RB1CC1: variants seen among roughly 807,000 people sequenced by gnomAD.
The protein encoded by RB1CC1 is RB1-inducible coiled-coil protein 1.
Under a neutral mutation model 177.5 loss-of-function variants are expected in RB1CC1, and 46 were observed. The ratio of observed to expected loss-of-function variants is 0.26; its 90% confidence interval spans 0.20 to 0.33. The LOEUF (loss-of-function observed/expected upper bound fraction) is 0.33, where lower values mean the gene tolerates loss of function less well. RB1CC1 is among the 10% of genes least tolerant of loss of function. RB1CC1 has a pLI of 1.00. For missense variants in RB1CC1, 1,703 were observed against 1,816.3 expected (o/e 0.94, Z 1.13); for synonymous variants, 666 against 613.6 (o/e 1.09, Z -1.26).
chr8:52,658,211 TAAC>T, intron 13 of RB1CC1, 87 bp from the exon 14 acceptor site: 1 of 1,328,464 alleles, frequency 7.5e-7, no homozygotes, highest in East Asian at 2.4e-5. Context: ...ATGTCAAAAA[TAAC>T]AAGAGCCTTA....
At position 52,699,858 on chromosome 8, in the gene RB1CC1, T is replaced by TATATATATATATACATAC. The variant is rs756226534; in HGVS notation, c.-166-12892_-166-12891insGTATGTATATATATATAT. On this transcript the variant is annotated intron_variant, in intron 1 of 23. Transcript: ENST00000025008. ...ATATATATATATATATATATATATA[T>TATATATATATATACATAC]ACACACAAAAACAAAAGAAAGCTTA... Among the ~76,000 whole-genome samples the TATATATATATATACATAC allele has an allele frequency of 3.9e-5, 4 of 102,794 alleles. No homozygotes were observed. In the East Asian group the frequency reaches 1.2e-3, roughly 30 times the overall value. The allele number at this position is 102,794 out of a possible 152,430, so 67.4% of individuals were successfully genotyped here.
chr8:52,689,088 A>G (rs142369736), intron 1 of RB1CC1, among the ~76,000 whole-genome samples: 14 of 152,122 alleles, frequency 9.2e-5, no homozygotes, highest in African/African-American at 3.1e-4. Flanking sequence ...AATCTCTCCT[A>G]AACTATCTAT....
At chr8:52,641,368 G>C (rs1238774291) in intron 18 of RB1CC1, among the ~76,000 whole-genome samples, 2 of 116,094 alleles carry the variant, frequency 1.7e-5, no homozygotes, top group South Asian at 5.6e-4. Flanking sequence ...TGGGGGATAA[G>C]AGTGAGACTT....
chr8:52,668,755 T>G (rs1852300166), intron 7 of RB1CC1, among the ~76,000 whole-genome samples: 1 of 152,154 alleles, frequency 6.6e-6, no homozygotes, highest in South Asian at 2.1e-4. Flanking sequence ...AAAAAAATAT[T>G]TTACCTGGCA....
rs1294780890 is a variant in RB1CC1 at position 52,656,799 on chromosome 8, G to C, written c.3030C>G (p.His1010Gln). 1.2e-5 allele frequency: 19 copies of C among 1,613,736 alleles called. No homozygotes were observed. The highest frequency in any genetic ancestry group is 1.6e-5 in the Non-Finnish European group (19 of 1,179,994). The change falls in exon 15 of 24, where the codon CAC becomes CAG. Residue 1010 changes from histidine to glutamine, a missense_variant. By Grantham distance (24) the His-to-Gln change is conservative. This residue lies in a region of RB1CC1 where 1,169 missense variants were observed against 1,184.7 expected (regional missense o/e 0.99). Coordinates refer to ENST00000025008, the MANE Select transcript of RB1CC1 (RefSeq NM_014781.5). ...IQEFEKVMTDHRVSLEELKKE... is the reference protein window; with the variant it reads ...IQEFEKVMTDQRVSLEELKKE... ...TTTTTAATTCCTCCAAAGAAACTCT[G>C]TGGTCTGTCATAACCTTCTCAAACT...
chr8:52,639,757 G>C (rs1013431759), intron 18 of RB1CC1, among the ~76,000 whole-genome samples: 1 of 152,070 alleles, frequency 6.6e-6, no homozygotes, highest in African/African-American at 2.4e-5. Context: ...CAGTGAGTAT[G>C]GTTAGGTATT....
Position 52,676,540 on chromosome 8 carries a change from G to A in RB1CC1, c.401C>T (p.Ser134Phe). ...EMYEVAKKLC[S>F]FCEGLVHDEH... ...ATCATGTACAAGACCTTCACAAAAAGAACAAAGTTTCTTGGCAACTTCATA... is the reference window on the plus strand; with the variant it reads ...ATCATGTACAAGACCTTCACAAAAAAAACAAAGTTTCTTGGCAACTTCATA... The change falls in exon 6 of 24, where the codon TCT becomes TTT. Residue 134 changes from serine (S) to phenylalanine (F), a missense_variant. Ser to Phe is a radical substitution (Grantham distance 155, BLOSUM62 -2). This residue lies in a region of RB1CC1 where 315 missense variants were observed against 304.9 expected (regional missense o/e 1.03). Transcript: ENST00000025008. The A allele has an allele frequency of 6.2e-7, 1 of 1,606,520 alleles. No individual in the cohort carries two copies. The highest frequency in any genetic ancestry group is 8.5e-7 in the Non-Finnish European group (1 of 1,178,298).
chr8:52,681,012 G>A (rs569609452), intron 5 of RB1CC1, among the ~76,000 whole-genome samples: 9 of 123,552 alleles, frequency 7.3e-5, no homozygotes, highest in Admixed American at 2.6e-4. Flanking sequence ...TTTTTTTTGA[G>A]ATGAAGTCTC....
chr8:52,630,395 C>T, intron 21 of RB1CC1, 75 bp downstream of exon 21: 1 of 1,480,648 alleles, frequency 6.8e-7, no homozygotes, highest in East Asian at 2.6e-5. Flanking sequence ...GAATTACTGT[C>T]ACTGAAATAC....
chr8:52,703,669 C>T (rs2150701280), intron 1 of RB1CC1, among the ~76,000 whole-genome samples: 1 of 152,304 alleles, frequency 6.6e-6, no homozygotes, highest in South Asian at 2.1e-4. Flanking sequence ...TCCAACTATT[C>T]AAGTAAGTGT....
At chr8:52,694,688 C>A (rs1855213459) in intron 1 of RB1CC1, among the ~76,000 whole-genome samples, 1 of 152,134 alleles carries the variant, frequency 6.6e-6, no homozygotes, top group Non-Finnish European at 1.5e-5. Context: ...ACTGAACCTC[C>A]TGGTAAGCAG....
rs1854176586 is a variant in RB1CC1 at position 52,685,325 on chromosome 8, CA to C, written c.71+73del. 13 of 1,147,346 alleles carry C rather than the reference CA, an allele frequency of 1.1e-5. No individual in the cohort carries two copies. In the South Asian group the frequency reaches 1.7e-4, roughly 15 times the overall value. The allele number at this position is 1,147,346 out of a possible 1,614,324, so 71.1% of individuals were successfully genotyped here. ...GGCCGCCATTATCCTACTTTTTAAA[CA>C]GTAGAATAATATTTCTTTAACTTTC... is the stretch of plus-strand genomic sequence containing the variant. On this transcript the variant is annotated intron_variant, in intron 3 of 23. Transcript: ENST00000025008.
intron 1 of RB1CC1, among the ~76,000 whole-genome samples, chr8:52,691,371 C>A (rs1449321214): frequency 2.0e-5 from 3 of 152,106 alleles, no homozygotes; most frequent in African/African-American, 7.2e-5. Flanking sequence ...CACACCTCAC[C>A]CTAAGAAACC....
intron 1 of RB1CC1, among the ~76,000 whole-genome samples, chr8:52,693,270 A>G (rs1307391285): frequency 6.6e-6 from 1 of 152,246 alleles, no homozygotes; most frequent in Non-Finnish European, 1.5e-5. Context: ...AAATTGACAA[A>G]TGGAATCTAA....
At chr8:52,688,376 T>C (rs1258501060) in intron 1 of RB1CC1, among the ~76,000 whole-genome samples, 1 of 152,108 alleles carries the variant, frequency 6.6e-6, no homozygotes, top group Admixed American at 6.5e-5. Flanking sequence ...TGCATTCCTG[T>C]GGGGAGGTCT....
At chr8:52,654,303 T>C (rs1850886217) in intron 15 of RB1CC1, among the ~76,000 whole-genome samples, 1 of 152,204 alleles carries the variant, frequency 6.6e-6, no homozygotes, top group African/African-American at 2.4e-5. Context: ...TGCACTGCAA[T>C]ACAGAGATCC....
intron 18 of RB1CC1, among the ~76,000 whole-genome samples, chr8:52,641,864 T>C (rs1008593493): frequency 2.6e-5 from 4 of 152,162 alleles, no homozygotes; most frequent in African/African-American, 9.7e-5. Context: ...TCTTTCACTA[T>C]ATTCAAAGGA....
At chr8:52,675,666 C>T (rs1303093355) in intron 6 of RB1CC1, among the ~76,000 whole-genome samples, 7 of 144,116 alleles carry the variant, frequency 4.9e-5, no homozygotes, top group South Asian at 2.1e-4. Flanking sequence ...GTCAGGAGAT[C>T]GAGACCATCC....
intron 13 of RB1CC1, 73 bp downstream of exon 13, chr8:52,658,800 T>C: frequency 4.7e-6 from 5 of 1,056,334 alleles, no homozygotes; most frequent in Non-Finnish European, 6.7e-6. Context: ...TTACTGGTAC[T>C]ACCTGGCACA....
Sources: allele counts gnomAD v4.1 joint callset (sites outside exome capture counted in the v4.1 genomes callset), GRCh38; gene constraint gnomAD v4.1.1; regional missense constraint gnomAD v4.1.1; transcripts MANE v1.5; gene names NCBI Gene and HGNC (gene_info 2026-07-23, HGNC 2026-07-21).